Variants in SCNN1A observed in about 807,000 individuals in gnomAD.
SCNN1A encodes the protein sodium channel epithelial 1 subunit alpha, also known as epithelial sodium channel subunit alpha.
A neutral mutation model predicts 68.6 loss-of-function variants in SCNN1A; 65 were observed. The ratio of observed to expected loss-of-function variants is 0.95; its 90% CI spans 0.78 to 1.16. The LOEUF (loss-of-function observed/expected upper bound fraction) is 1.16. Ranked by LOEUF, SCNN1A falls within the 50% of genes most tolerant of loss-of-function variation. The probability of loss-of-function intolerance (pLI) is 0.00; values close to 1 mark genes in which losing one functional copy is unlikely to be tolerated. For synonymous variants in SCNN1A, 357 were observed against 353.3 expected (o/e 1.01, Z -0.12); for missense variants, 880 against 865.9 (o/e 1.02, Z -0.20).
intron 6 of SCNN1A, 126 bp from the exon 7 acceptor site, chr12:6,354,974 A>G: frequency 1.2e-6 from 1 of 852,860 alleles, no homozygotes; most frequent in South Asian, 1.4e-5. Flanking sequence ...CCCTCTCAAT[A>G]CATGCTTCCA....
At chr12:6,359,126 A>G (rs1384879764) in intron 4 of SCNN1A, among the ~76,000 whole-genome samples, 1 of 152,160 alleles carries the variant, frequency 6.6e-6, no homozygotes, top group Non-Finnish European at 1.5e-5. Context: ...TAATGGGTAC[A>G]GGGTTTCTTT....
In SCNN1A at chr12:6,368,345, C is replaced by G. The variant is rs12826912; in HGVS notation, c.417-4635G>C. 6.7e-3 allele frequency among the ~76,000 whole-genome samples: 1,024 copies of G among 152,290 alleles called. 5 individuals carry two copies. Among genetic ancestry groups the G allele is most frequent in the Non-Finnish European group, 0.011 (762 of 68,018 alleles). ...CAGAAACACCCGGATTGGTTACACC[C>G]CCGGCGTTTGCCTTATTTGGACAAG... is the stretch of plus-strand genomic sequence containing the variant. On this transcript the variant is annotated intron_variant, in intron 2 of 12. Coordinates refer to ENST00000228916, the MANE Select transcript of SCNN1A (RefSeq NM_001038.6).
intron 8 of SCNN1A, chr12:6,353,731 A>AGGCGCCCGCCAC (rs1303770492): frequency 9.8e-6 from 1 of 102,324 alleles, no homozygotes; most frequent in East Asian, 3.4e-4. Context: ...CTGGGACTAC[A>AGGCGCCCGCCAC]GGCGCCCGCC....
In SCNN1A at chr12:6,372,589, C is replaced by G. The variant is rs1948812675; in HGVS notation, c.416+1779G>C. 6.6e-6 allele frequency among the ~76,000 whole-genome samples: 1 copy of G among 152,342 alleles called. No homozygotes were observed. Among genetic ancestry groups the G allele is most frequent in the South Asian group, 2.1e-4 (1 of 4,822 alleles). ...CATCCAGCAGAACCTAAGAACTGTG[C>G]AGGCCTCACCCGATTCACCCCTGCC... is the stretch of plus-strand genomic sequence containing the variant. On this transcript the variant is annotated intron_variant, in intron 2 of 12. Coordinates refer to ENST00000228916, the MANE Select transcript of SCNN1A (RefSeq NM_001038.6). This position sits in a 1 kb window ranked among gnomAD's most constrained non-coding sequence, Gnocchi z 5.8.
chr12:6,355,416 G>A lies in SCNN1A; in HGVS notation c.999C>T (p.Arg333=), dbSNP rs756498521. The part of the protein sequence containing the change: ...GINNGLSLML[R]AEQNDFIPLL... ...GGGGAATGAAGTCATTCTGCTCTGC[G>A]CGCAGCATCAGGGACAGACCTAGGG... Residue 333 remains arginine, a synonymous_variant, in exon 6 of 13, where the codon CGC becomes CGT. Coordinates refer to ENST00000228916, the MANE Select transcript of SCNN1A (RefSeq NM_001038.6). The A allele has an allele frequency of 1.4e-5, 23 of 1,613,850 alleles. No individual in the cohort carries two copies. Among genetic ancestry groups the A allele is most frequent in the African/African-American group, 1.2e-4 (9 of 74,932 alleles).
chr12:6,375,309 C>T, intron 1 of SCNN1A, 196 bp downstream of exon 1: 2 of 1,437,672 alleles, frequency 1.4e-6, no homozygotes, highest in South Asian at 1.5e-5. Context: ...CCTTGCCTTG[C>T]CCCCTCTCAC....
At chr12:6,349,094 A>C (rs1948321551) in intron 10 of SCNN1A, 70 bp downstream of exon 10, 1 of 1,602,872 alleles carries the variant, frequency 6.2e-7, no homozygotes, top group African/African-American at 1.3e-5. Context: ...TCATACACAT[A>C]ATACCCAGAG....
chr12:6,357,280 A>G lies in SCNN1A; in HGVS notation c.876-1400T>C, dbSNP rs1020684185. ...ATGGGTTTTAAAACATAGAGCTTCG[A>G]AAAAAAAAAGTGGTGGGGCACAGTG... is the stretch of plus-strand genomic sequence containing the variant. On this transcript the variant is annotated intron_variant, in intron 4 of 12. Coordinates refer to ENST00000228916, the MANE Select transcript of SCNN1A (RefSeq NM_001038.6). Among the ~76,000 whole-genome samples, 7 of 150,410 alleles carry G rather than the reference A, an allele frequency of 4.7e-5. No individual in the cohort carries two copies. The East Asian group carries it at 1.4e-3, about 29-fold the overall frequency.
At position 6,375,555 on chromosome 12, in the gene SCNN1A, G is replaced by C. The variant is rs1003784925; in HGVS notation, c.-105C>G. 6.5e-7 allele frequency: 1 copy of C among 1,534,682 alleles called. No individual in the cohort carries two copies. The highest frequency in any genetic ancestry group is 2.4e-5 in the East Asian group (1 of 40,818). On this transcript the variant is annotated 5_prime_UTR_variant, in exon 1 of 13. The change creates a new upstream start codon in the 5' untranslated region. Coordinates refer to ENST00000228916, the MANE Select transcript of SCNN1A (RefSeq NM_001038.6). ...GGAGCCCGCCCGCTGGCCGGCCAGG[G>C]ATGGAAGCGACAGGAATCTCATTAG...
rs776644104 is a variant in SCNN1A at position 6,363,692 on chromosome 12, C to T, written c.435G>A (p.Glu145=). The T allele has an allele frequency of 1.2e-6, 2 of 1,601,490 alleles. No individual in the cohort carries two copies. Among genetic ancestry groups the T allele is most frequent in the Admixed American group, 1.7e-5 (1 of 59,042 alleles). ...TGATGCGGTCCAGCTCCTCCAGCTC[C>T]TCTTTAATTTCCGGGTACCTGAAGG... ...LNPYRYPEIK[E]ELEELDRITE... is the part of the protein sequence containing the mutation. The change falls in exon 3 of 13, where the codon GAG becomes GAA. Residue 145 remains glutamate, a synonymous_variant. Transcript: ENST00000228916.
intron 8 of SCNN1A, among the ~76,000 whole-genome samples, chr12:6,353,538 C>T (rs894912608): frequency 1.3e-5 from 2 of 148,950 alleles, no homozygotes; most frequent in Non-Finnish European, 3.0e-5. Context: ...CTCACGTGCT[C>T]TTCCTTCCTT....
chr12:6,348,658 T>C lies in SCNN1A; in HGVS notation c.1629+69A>G, dbSNP rs879225665. ...TGGCCCACAGAGACAACCTTTTGGT[T>C]TTCCCCGACAGCCGCCCTGCTAAGT... On this transcript the variant is annotated intron_variant, in intron 12 of 12. Coordinates refer to ENST00000228916, the MANE Select transcript of SCNN1A (RefSeq NM_001038.6). The C allele has an allele frequency of 8.6e-6, 12 of 1,389,716 alleles. No individual in the cohort carries two copies. In the South Asian group the frequency reaches 1.4e-4, roughly 16 times the overall value. The allele number at this position is 1,389,716 out of a possible 1,614,324, so 86.1% of individuals were successfully genotyped here.
intron 6 of SCNN1A, 90 bp from the exon 7 acceptor site, chr12:6,354,938 C>T (rs929268443): frequency 2.8e-6 from 3 of 1,056,632 alleles, no homozygotes; most frequent in East Asian, 4.7e-5. Flanking sequence ...GTATCTCACA[C>T]CTGCCAGCCC....
intron 4 of SCNN1A, among the ~76,000 whole-genome samples, chr12:6,359,023 T>C (rs112364782): frequency 3.9e-5 from 6 of 152,174 alleles, no homozygotes; most frequent in African/African-American, 9.7e-5. Flanking sequence ...ATTCCACTTA[T>C]GTGAAATGTC....
rs1948462391 is a variant in SCNN1A at position 6,354,644 on chromosome 12, C to A, written c.1243-89G>T. 5.7e-6 allele frequency: 8 copies of A among 1,407,856 alleles called. No individual in the cohort carries two copies. In the African/African-American group the frequency reaches 8.5e-5, roughly 15 times the overall value. 87.2% of individuals were successfully genotyped at this position (1,407,856 alleles called of 1,614,324 possible). ...GAGCCTCCATCCTCTTTCCACCACCCCCCAGTTTCCCTCTCTCTCTCTCAC... is the reference window on the plus strand; with the variant it reads ...GAGCCTCCATCCTCTTTCCACCACCACCCAGTTTCCCTCTCTCTCTCTCAC... On this transcript the variant is annotated intron_variant, in intron 7 of 12. Transcript: ENST00000228916.
intron 2 of SCNN1A, among the ~76,000 whole-genome samples, chr12:6,366,955 T>C (rs548884148): frequency 2.6e-5 from 4 of 152,096 alleles, no homozygotes; most frequent in African/African-American, 9.6e-5. Flanking sequence ...AGAATGGTAA[T>C]CTGCGGGGCA....
upstream of SCNN1A, among the ~76,000 whole-genome samples, chr12:6,376,624 C>G (rs1182187191): frequency 2.0e-5 from 3 of 152,210 alleles, no homozygotes; most frequent in African/African-American, 7.2e-5. Context: ...AAACTTAATG[C>G]AGCAAAAGGA....
intron 4 of SCNN1A, among the ~76,000 whole-genome samples, chr12:6,360,787 C>CT (rs559148240): frequency 1.1e-4 from 16 of 152,146 alleles, no homozygotes; most frequent in Non-Finnish European, 2.1e-4. Flanking sequence ...GGGGACCCCC[C>CT]CCTCGCCTCA....
rs757414357 is a variant in SCNN1A at position 6,348,249 on chromosome 12, A to G, written c.1634T>C (p.Val545Ala). 1.7e-5 allele frequency: 28 copies of G among 1,613,944 alleles called. No homozygotes were observed. The highest frequency in any genetic ancestry group is 2.3e-5 in the Non-Finnish European group (27 of 1,179,982). Residue 545 changes from valine to alanine, a missense_variant, in exon 13 of 13, where the codon GTC (valine) becomes GCC (alanine). Val to Ala is a moderately conservative substitution (Grantham distance 64). Transcript: ENST00000228916. ...GCTGCCCAGGTTGGACAGGAGGGTG[A>G]CCATCTGTGAGAGGAGAGGTACATT... ...TNSESPSVTM[V>A]TLLSNLGSQW...
Sources: gnomAD v4.1 joint callset for allele counts (sites outside exome capture counted in the v4.1 genomes callset) on GRCh38, gnomAD v4.1.1 for gene constraint, Gnocchi (gnomAD v3.1) non-coding constraint, MANE v1.5 for transcripts, NCBI Gene and HGNC (gene_info 2026-07-23, HGNC 2026-07-21) for gene names.